The following STARD13 variants were observed in gnomAD, a reference collection of about 807,000 sequenced individuals.
The protein encoded by STARD13 is stAR-related lipid transfer protein 13.
STARD13 carries 62 observed loss-of-function variants against 106.4 expected under a neutral mutation model. The observed-to-expected ratio is 0.58, with a 90% CI of 0.48 to 0.72. The LOEUF (loss-of-function observed/expected upper bound fraction) is 0.72, where lower values mean the gene tolerates loss of function less well. STARD13 is among the 30% of genes least tolerant of loss of function. The pLI, the probability that STARD13 is intolerant of heterozygous loss-of-function variation, is 0.00. For synonymous variants in STARD13, 565 were observed against 553.0 expected, an observed-to-expected ratio of 1.02 and a Z score of -0.31; for missense variants, 1,387 against 1,424.0, an observed-to-expected ratio of 0.97 and a Z score of 0.42.
chr13:33,103,930 T>C lies in STARD13; in HGVS notation c.*1663A>G, dbSNP rs1566522163. On this transcript the variant is annotated 3_prime_UTR_variant, in exon 14 of 14. Coordinates refer to ENST00000336934, the MANE Select transcript of STARD13 (RefSeq NM_178006.4). The stretch of plus-strand genomic sequence containing the variant: ...TTACTGCTTCCTTCTTAGGTAGATA[T>C]GGGAATGAAAAATTTCTAGGTCATA... The C allele has an allele frequency of 6.6e-6, 1 of 152,230 alleles. No homozygotes were observed. The highest frequency in any genetic ancestry group is 6.5e-5 in the Admixed American group (1 of 15,280). The allele number at this position is 152,230 out of a possible 1,614,324, so 9.4% of individuals were successfully genotyped here.
the STARD13 span, among the ~76,000 whole-genome samples, chr13:33,410,004 C>T: frequency 2.6e-4 from 40 of 152,264 alleles, no homozygotes; most frequent in South Asian, 7.9e-3. Flanking sequence ...CCTCCCTTCC[C>T]TGGTCTGTGT....
chr13:33,378,694 G>A, the STARD13 span, among the ~76,000 whole-genome samples: 1 of 151,834 alleles, frequency 6.6e-6, no homozygotes, highest in Non-Finnish European at 1.5e-5. Flanking sequence ...GGAGGCTGAG[G>A]CAGGAGAATT....
At chr13:33,254,236 A>C (rs925341536) in intron 1 of STARD13, among the ~76,000 whole-genome samples, 7 of 152,188 alleles carry the variant, frequency 4.6e-5, no homozygotes, top group African/African-American at 1.7e-4. Flanking sequence ...GGCAAAGAGG[A>C]TAATTTGTAC....
the STARD13 span, among the ~76,000 whole-genome samples, chr13:33,659,444 G>C: frequency 6.6e-6 from 1 of 152,114 alleles, no homozygotes; most frequent in African/African-American, 2.4e-5. Context: ...TCAATCTCCT[G>C]ACCTCGTGAT....
the STARD13 span, among the ~76,000 whole-genome samples, chr13:33,428,341 A>G: frequency 1.3e-5 from 2 of 152,216 alleles, no homozygotes; most frequent in African/African-American, 4.8e-5. Flanking sequence ...ACCAAACTAA[A>G]AAGTTTGTGT....
At chr13:33,447,806 C>A in the STARD13 span, among the ~76,000 whole-genome samples, 56,604 of 151,726 alleles carry the variant, frequency 0.37, 10,542 homozygotes, top group Middle Eastern at 0.4. Context: ...GCTCAAAATC[C>A]AACAAATTTT....
At chr13:33,311,888 A>G (rs1893149515) in intron 1 of STARD13, among the ~76,000 whole-genome samples, 1 of 152,196 alleles carries the variant, frequency 6.6e-6, no homozygotes, top group Non-Finnish European at 1.5e-5. Context: ...TTGCATGTGG[A>G]TTATCCAGTA....
chr13:33,170,015 G>A (rs1883764006), intron 1 of STARD13, among the ~76,000 whole-genome samples: 2 of 150,326 alleles, frequency 1.3e-5, no homozygotes, highest in South Asian at 2.2e-4. Flanking sequence ...AGGGTAGTGG[G>A]GGCTGGAGGA....
the STARD13 span, among the ~76,000 whole-genome samples, chr13:33,437,855 C>T: frequency 6.6e-6 from 1 of 152,130 alleles, no homozygotes; most frequent in Non-Finnish European, 1.5e-5. Context: ...TTCTGGCCTG[C>T]TTGCTTATTT....
chr13:33,131,130 G>A (rs900247342), intron 4 of STARD13, among the ~76,000 whole-genome samples: 2 of 152,190 alleles, frequency 1.3e-5, no homozygotes, highest in African/African-American at 4.8e-5. Context: ...GGCCAGAGAT[G>A]GCCTGGTTTA....
chr13:33,551,614 T>TTTTTTTTTTC, the STARD13 span, among the ~76,000 whole-genome samples: 1 of 120,872 alleles, frequency 8.3e-6, no homozygotes, highest in Admixed American at 9.4e-5. Context: ...TTTTTTTTTT[T>TTTTTTTTTTC]TTGAGTTGGA....
chr13:33,327,619 GT>G (rs2077791034), intron 1 of STARD13, among the ~76,000 whole-genome samples: 1 of 152,258 alleles, frequency 6.6e-6, no homozygotes, highest in Admixed American at 6.5e-5. Flanking sequence ...GATCCTCTGG[GT>G]TCAGCCTCCG....
intron 4 of STARD13, among the ~76,000 whole-genome samples, chr13:33,139,744 A>G (rs1197820284): frequency 1.5e-5 from 2 of 134,944 alleles, no homozygotes; most frequent in Non-Finnish European, 3.4e-5. Flanking sequence ...CTTAGCTCCT[A>G]TTCATTTTTT....
the STARD13 span, among the ~76,000 whole-genome samples, chr13:33,488,089 C>G: frequency 6.6e-6 from 1 of 152,134 alleles, no homozygotes; most frequent in Admixed American, 6.5e-5. Context: ...CTGAGCCTTC[C>G]CCTCTAGTTC....
chr13:33,454,970 G>A, the STARD13 span, among the ~76,000 whole-genome samples: 1 of 152,346 alleles, frequency 6.6e-6, no homozygotes, highest in African/African-American at 2.4e-5. Flanking sequence ...TGGGAAGGCA[G>A]AGAATAAAAG....
At chr13:33,545,338 G>A in the STARD13 span, among the ~76,000 whole-genome samples, 1 of 151,674 alleles carries the variant, frequency 6.6e-6, no homozygotes, top group Non-Finnish European at 1.5e-5. Context: ...CTCGTGATCC[G>A]CCTGCCTCGG....
At chr13:33,167,080 A>T (rs1464356317) in intron 2 of STARD13, among the ~76,000 whole-genome samples, 1 of 152,178 alleles carries the variant, frequency 6.6e-6, no homozygotes, top group African/African-American at 2.4e-5. Context: ...AACTCGGAAG[A>T]ATAACATCTG....
chr13:33,551,615 T>TTTTTTTTTTTTTTTTG, the STARD13 span, among the ~76,000 whole-genome samples: 2 of 115,926 alleles, frequency 1.7e-5, no homozygotes, highest in East Asian at 2.6e-4. Flanking sequence ...TTTTTTTTTT[T>TTTTTTTTTTTTTTTTG]TGAGTTGGAG....
the STARD13 span, among the ~76,000 whole-genome samples, chr13:33,606,048 C>T: frequency 1.3e-5 from 2 of 152,048 alleles, no homozygotes; most frequent in Non-Finnish European, 2.9e-5. Flanking sequence ...GCTTGTAATC[C>T]CAGCACTTTG....
Sources: allele counts gnomAD v4.1 joint callset (sites outside exome capture counted in the v4.1 genomes callset), GRCh38; gene constraint gnomAD v4.1.1; transcripts MANE v1.5; gene names NCBI Gene and HGNC (gene_info 2026-07-23, HGNC 2026-07-21).